Variants in MFHAS1 observed in about 807,000 individuals in gnomAD.
MFHAS1 encodes the protein multifunctional ROCO family signaling regulator 1, also known as malignant fibrous histiocytoma-amplified sequence 1.
MFHAS1 carries 50 observed loss-of-function variants against 70.4 expected under a neutral mutation model. That is an observed-to-expected ratio of 0.71 (90% CI 0.57 to 0.90). MFHAS1 has a LOEUF of 0.90. MFHAS1 is among the 40% of genes least tolerant of loss of function. The probability of loss-of-function intolerance (pLI) is 0.00; values close to 1 mark genes in which losing one functional copy is unlikely to be tolerated. For missense variants in MFHAS1, 1,795 were observed against 1,347.6 expected (o/e 1.33, Z -5.20); for synonymous variants, 952 against 620.0 (o/e 1.54, Z -7.96).
At chr8:8,804,774 G>A (rs1013369326) in intron 1 of MFHAS1, among the ~76,000 whole-genome samples, 5 of 152,338 alleles carry the variant, frequency 3.3e-5, no homozygotes, top group Non-Finnish European at 7.3e-5. Context: ...TAACGCCAGG[G>A]AAGCCGTGCC....
At chr8:8,828,807 G>T (rs929922532) in intron 1 of MFHAS1, among the ~76,000 whole-genome samples, 2 of 152,158 alleles carry the variant, frequency 1.3e-5, no homozygotes, top group African/African-American at 4.8e-5. Context: ...AGCAAAAGTG[G>T]AGAACTGAGG....
intron 1 of MFHAS1, among the ~76,000 whole-genome samples, chr8:8,864,582 C>A (rs1808788817): frequency 6.6e-6 from 1 of 152,118 alleles, no homozygotes; most frequent in African/African-American, 2.4e-5. Flanking sequence ...CTCCTAAAAT[C>A]CTCATATATT....
chr8:8,892,514 C>A lies in MFHAS1; in HGVS notation c.545G>T (p.Arg182Leu), dbSNP rs1484211049. The A allele has an allele frequency of 1.9e-6, 3 of 1,601,666 alleles. No homozygotes were observed. Among genetic ancestry groups the A allele is most frequent in the African/African-American group, 2.7e-5 (2 of 74,696 alleles). ...GTGATCCACGTCCAGGGTGCGCAGG[C>A]GGGAGAGGCAGGAGAGGGAGTCAGG... is the stretch of plus-strand genomic sequence containing the variant. ...HLPDSLSCLS[R>L]LRTLDVDHNQ... The change falls in exon 1 of 3, where the codon CGC (arginine) becomes CTC (leucine). Residue 182 changes from arginine (R) to leucine (L), a missense_variant. Arg to Leu is a moderately radical substitution (Grantham distance 102). Transcript: ENST00000276282. The surrounding 1 kb of genome is among the most constrained non-coding windows in gnomAD (Gnocchi z 4.7).
chr8:8,800,275 T>C (rs766686278), intron 1 of MFHAS1, among the ~76,000 whole-genome samples: 2 of 152,262 alleles, frequency 1.3e-5, no homozygotes, highest in Non-Finnish European at 2.9e-5. Context: ...TAATTTAGCA[T>C]CATTAGCTTG....
chr8:8,840,548 C>A (rs1308517315), intron 1 of MFHAS1, among the ~76,000 whole-genome samples: 5 of 152,020 alleles, frequency 3.3e-5, no homozygotes, highest in African/African-American at 1.2e-4. Context: ...ATGATGGTGC[C>A]GGTCATTCAT....
intron 1 of MFHAS1, among the ~76,000 whole-genome samples, chr8:8,853,041 G>C (rs931475070): frequency 2.8e-4 from 43 of 152,204 alleles, no homozygotes; most frequent in African/African-American, 9.4e-4. Context: ...TCCTGATTCT[G>C]TTCTCAGCAG....
In MFHAS1 at chr8:8,891,507, A is replaced by C. The variant is rs764396180; in HGVS notation, c.1552T>G (p.Ser518Ala). Residue 518 changes from serine to alanine, a missense_variant, in exon 1 of 3, where the codon TCC becomes GCC. By Grantham distance (99) the Ser-to-Ala change is moderately conservative. Coordinates refer to ENST00000276282, the MANE Select transcript of MFHAS1 (RefSeq NM_004225.3). The surrounding 1 kb of genome is among the most constrained non-coding windows in gnomAD (Gnocchi z 5.4). Reference sequence around the variant, plus strand: ...CTCGCCCCGACCCGATGCAAGAAGGAGCCCACGGTGGTAGGAAAGTGGCGA... The same window carrying C: ...CTCGCCCCGACCCGATGCAAGAAGGCGCCCACGGTGGTAGGAAAGTGGCGA... ...EPRHFPTTVG[S>A]FLHRVGARVP... 6.2e-7 allele frequency: 1 copy of C among 1,613,084 alleles called. No individual in the cohort carries two copies. The highest frequency in any genetic ancestry group is 8.5e-7 in the Non-Finnish European group (1 of 1,180,026).
intron 1 of MFHAS1, among the ~76,000 whole-genome samples, chr8:8,838,231 C>A (rs1807677910): frequency 6.6e-6 from 1 of 152,146 alleles, no homozygotes; most frequent in Non-Finnish European, 1.5e-5. Context: ...AAAAGCCCAT[C>A]AGTGGTTGCC....
chr8:8,838,315 T>C (rs1585044465), intron 1 of MFHAS1, among the ~76,000 whole-genome samples: 1 of 152,306 alleles, frequency 6.6e-6, no homozygotes, highest in Middle Eastern at 3.4e-3. Context: ...AGGGTCTATA[T>C]TCTTGATTGT....
chr8:8,839,933 A>G (rs182253482), intron 1 of MFHAS1, among the ~76,000 whole-genome samples: 4 of 152,304 alleles, frequency 2.6e-5, no homozygotes, highest in Admixed American at 2.0e-4. Flanking sequence ...GATAAACACA[A>G]TAATTGGAGG....
At chr8:8,821,666 A>G (rs11775523) in intron 1 of MFHAS1, among the ~76,000 whole-genome samples, 66,731 of 152,018 alleles carry the variant, frequency 0.44, 16,156 homozygotes, top group East Asian at 0.77. Flanking sequence ...TGTATATTAA[A>G]TCCTCCTCTG....
chr8:8,786,160 A>T (rs1006088095), intron 2 of MFHAS1, 105 bp from the exon 3 acceptor site: 1 of 1,091,232 alleles, frequency 9.2e-7, no homozygotes, highest in Non-Finnish European at 1.4e-6. Flanking sequence ...TTTTCTGCAC[A>T]TATTTTCATT....
At chr8:8,802,632 T>C (rs538717206) in intron 1 of MFHAS1, among the ~76,000 whole-genome samples, 7 of 152,136 alleles carry the variant, frequency 4.6e-5, no homozygotes, top group Admixed American at 3.3e-4. Flanking sequence ...AAGGGTAGGG[T>C]ATGGAGCAGC....
intron 1 of MFHAS1, among the ~76,000 whole-genome samples, chr8:8,813,237 A>T (rs1405050111): frequency 6.6e-6 from 1 of 152,246 alleles, no homozygotes; most frequent in African/African-American, 2.4e-5. Context: ...TGCCAGTCAT[A>T]AAATGCTAGC....
chr8:8,867,354 C>G, intron 1 of MFHAS1, among the ~76,000 whole-genome samples: 1 of 151,834 alleles, frequency 6.6e-6, no homozygotes, highest in South Asian at 2.1e-4. Context: ...CCTAAGATAC[C>G]AAAAATAAAA....
intron 1 of MFHAS1, among the ~76,000 whole-genome samples, chr8:8,813,631 G>C (rs1292611912): frequency 6.6e-6 from 1 of 152,094 alleles, no homozygotes; most frequent in Non-Finnish European, 1.5e-5. Context: ...AGGATATAAA[G>C]AAACAATATT....
At chr8:8,860,740 ACT>A (rs1808629333) in intron 1 of MFHAS1, among the ~76,000 whole-genome samples, 3 of 152,360 alleles carry the variant, frequency 2.0e-5, no homozygotes, top group African/African-American at 4.8e-5. Context: ...GAGGTCATCC[ACT>A]GAGTCATGCC....
chr8:8,874,131 CAA>C (rs937610299), intron 1 of MFHAS1, among the ~76,000 whole-genome samples: 6 of 152,120 alleles, frequency 3.9e-5, no homozygotes, highest in Non-Finnish European at 8.8e-5. Flanking sequence ...AATTGCATCT[CAA>C]GAGTGTTCCG....
At chr8:8,815,964 T>A (rs1806726457) in intron 1 of MFHAS1, among the ~76,000 whole-genome samples, 2 of 152,218 alleles carry the variant, frequency 1.3e-5, no homozygotes, top group African/African-American at 2.4e-5. Context: ...AATAGACTAC[T>A]ATCTAGGAAG....
Sources: gnomAD v4.1 joint callset for allele counts (sites outside exome capture counted in the v4.1 genomes callset) on GRCh38, gnomAD v4.1.1 for gene constraint, Gnocchi (gnomAD v3.1) non-coding constraint, MANE v1.5 for transcripts, NCBI Gene and HGNC (gene_info 2026-07-23, HGNC 2026-07-21) for gene names.